LGALS9: variants seen among roughly 807,000 people sequenced by gnomAD.
LGALS9 encodes galectin-9.
In LGALS9, 26 loss-of-function variants were observed where a neutral mutation model predicts 35.9. The observed-to-expected ratio is 0.72, with a 90% CI of 0.53 to 1.01. LGALS9 has a LOEUF of 1.01. LGALS9 is among the 50% of genes least tolerant of loss of function. LGALS9 has a pLI of 0.00. For synonymous variants in LGALS9, 149 were observed against 172.2 expected (o/e 0.87, Z 1.06); for missense variants, 347 against 445.8 (o/e 0.78, Z 1.99).
rs376431140 is a variant in LGALS9, at chr17:27,645,482, C to T, written c.576+133C>T. 1.2e-4 allele frequency: 162 copies of T among 1,354,492 alleles called. 23 individuals carry two copies. Among genetic ancestry groups the T allele is most frequent in the Non-Finnish European group, 1.5e-4 (150 of 993,034 alleles). The allele number at this position is 1,354,492 out of a possible 1,614,324, so 83.9% of individuals were successfully genotyped here. On this transcript the variant is annotated intron_variant, in intron 6 of 10. Transcript: ENST00000395473. ...CAGACCAGACCCTTGACCATCTGCC[C>T]GGCCTGGTGAGGTTGGGGGTTGGAT...
intron 3 of LGALS9, 106 bp downstream of exon 3, chr17:27,640,879 C>CA: frequency 6.7e-7 from 1 of 1,496,416 alleles, no homozygotes; most frequent in East Asian, 2.3e-5. Flanking sequence ...AGAGTGACAC[C>CA]ACTATACAGA....
intron 6 of LGALS9, 160 bp downstream of exon 6, chr17:27,645,509 TG>T: frequency 8.3e-7 from 1 of 1,207,434 alleles, no homozygotes; most frequent in Non-Finnish European, 1.1e-6. Context: ...GGGTTGGATG[TG>T]GGGGTTGGAT....
At chr17:27,637,137 C>A (rs371233083) in intron 1 of LGALS9, among the ~76,000 whole-genome samples, 1,851 of 151,374 alleles carry the variant, frequency 0.012, 42 homozygotes, top group African/African-American at 0.042. Context: ...TGCTTTAATG[C>A]GGGTTATAGA....
intron 1 of LGALS9, among the ~76,000 whole-genome samples, 162 bp from the exon 2 acceptor site, chr17:27,638,101 C>A (rs1329806978): frequency 6.6e-6 from 1 of 151,906 alleles, no homozygotes; most frequent in Non-Finnish European, 1.5e-5. Context: ...CCACACAGGA[C>A]CCTAAGACCC....
chr17:27,645,128 T>C lies in LGALS9; in HGVS notation c.541-186T>C, dbSNP rs534710161. 1,386 of 1,177,786 alleles carry C rather than the reference T, an allele frequency of 1.2e-3. 10 individuals carry two copies. Among genetic ancestry groups the C allele is most frequent in the Non-Finnish European group, 4.7e-4 (385 of 818,036 alleles). The allele number at this position is 1,177,786 out of a possible 1,614,324, so 73.0% of individuals were successfully genotyped here. A position where few individuals can be genotyped will look rare whatever the true frequency, so the allele number is the denominator to read the frequency against. ...ACCCTACCCCCCAACCCCAAAGCCC[T>C]GTACACCTGGGGGTAAAAATCTGGG... On this transcript the variant is annotated intron_variant, in intron 5 of 10. Coordinates refer to ENST00000395473, the MANE Select transcript of LGALS9 (RefSeq NM_009587.3).
intron 5 of LGALS9, chr17:27,644,619 G>A (rs1475403141): frequency 1.3e-5 from 2 of 152,484 alleles, no homozygotes; most frequent in East Asian, 3.8e-4. Context: ...CTGGGAGGAG[G>A]GGCGCTTTGT....
chr17:27,642,709 G>A (rs1904612712), intron 4 of LGALS9, among the ~76,000 whole-genome samples: 1 of 152,022 alleles, frequency 6.6e-6, no homozygotes, highest in Non-Finnish European at 1.5e-5. Context: ...CATCATCTGT[G>A]GGATCTTAGA....
chr17:27,640,379 A>T, intron 2 of LGALS9, 193 bp from the exon 3 acceptor site: 1 of 855,570 alleles, frequency 1.2e-6, no homozygotes, highest in Non-Finnish European at 1.8e-6. Context: ...GTAAAGGCAA[A>T]ATCCAATAAT....
At chr17:27,645,062 C>T in intron 5 of LGALS9, 2 of 625,950 alleles carry the variant, frequency 3.2e-6, no homozygotes, top group Non-Finnish European at 5.6e-6. Context: ...AGGTCTCTAT[C>T]AAACCCAGTC....
intron 6 of LGALS9, chr17:27,645,614 C>T (rs1359625794): frequency 1.1e-4 from 67 of 603,810 alleles, no homozygotes; most frequent in Admixed American, 9.5e-5. Context: ...GGCTGAGAGA[C>T]GTTTCCCCGA....
chr17:27,646,894 A>G (rs1904989331), intron 8 of LGALS9, 136 bp from the exon 9 acceptor site: 27 of 1,346,226 alleles, frequency 2.0e-5, no homozygotes, highest in Non-Finnish European at 2.8e-5. Flanking sequence ...GGAGCACTGG[A>G]AAGTTTTCCT....
At position 27,640,659 on chromosome 17, in the gene LGALS9, G is replaced by A. The variant is rs775343355; in HGVS notation, c.219G>A (p.Val73=). 1.9e-6 allele frequency: 3 copies of A among 1,614,128 alleles called. No individual in the cohort carries two copies. Among genetic ancestry groups the A allele is most frequent in the Non-Finnish European group, 2.5e-6 (3 of 1,180,046 alleles). The change falls in exon 3 of 11, where the codon GTG becomes GTA. Residue 73 remains valine (V), a synonymous_variant. Transcript: ENST00000395473. The part of the protein sequence containing the change: ...NPRFEDGGYV[V]CNTRQNGSWG... ...GGTTTGAAGATGGAGGGTACGTGGTGTGCAACACGAGGCAGAACGGAAGCT... is the reference window on the plus strand; with the variant it reads ...GGTTTGAAGATGGAGGGTACGTGGTATGCAACACGAGGCAGAACGGAAGCT...
chr17:27,642,452 G>A (rs1348948295), intron 4 of LGALS9, 104 bp downstream of exon 4: 2 of 1,517,142 alleles, frequency 1.3e-6, no homozygotes, highest in Non-Finnish European at 1.8e-6. Flanking sequence ...TCCTACCCAG[G>A]TCACTCTGGG....
At chr17:27,646,152 G>A (rs1336644783) in intron 7 of LGALS9, among the ~76,000 whole-genome samples, 3 of 152,118 alleles carry the variant, frequency 2.0e-5, no homozygotes, top group Non-Finnish European at 4.4e-5. Flanking sequence ...GACCGGGAGG[G>A]AAACTGGTCC....
chr17:27,648,168 G>T (rs1598191454), intron 10 of LGALS9, among the ~76,000 whole-genome samples: 1 of 152,394 alleles, frequency 6.6e-6, no homozygotes, highest in East Asian at 1.9e-4. Context: ...AGTTGAAAAT[G>T]ACTGATGTAG....
chr17:27,647,266 C>T lies in LGALS9; in HGVS notation c.759-4C>T, dbSNP rs770435272. The T allele has an allele frequency of 3.1e-6, 5 of 1,613,708 alleles. No individual in the cohort carries two copies. The East Asian group carries it at 1.1e-4, about 36-fold the overall frequency. Reference sequence around the variant, plus strand: ...TAAAGGTTCAGGTGGGCTGCCCACCCCAGGTTCCACATCAACCTGTGCTCT... The same window carrying T: ...TAAAGGTTCAGGTGGGCTGCCCACCTCAGGTTCCACATCAACCTGTGCTCT... On this transcript the variant is annotated splice_region_variant and splice_polypyrimidine_tract_variant and intron_variant, in intron 9 of 10. Transcript: ENST00000395473.
intron 3 of LGALS9, 140 bp downstream of exon 3, chr17:27,640,913 G>A: frequency 1.5e-6 from 2 of 1,354,244 alleles, no homozygotes; most frequent in South Asian, 2.5e-5. Context: ...TCCTTGTGAG[G>A]TGTTACCCAT....
chr17:27,647,282 C>A lies in LGALS9; in HGVS notation c.771C>A (p.Asn257Lys). Residue 257 changes from asparagine to lysine, a missense_variant, in exon 10 of 11, where the codon AAC becomes AAA. Transcript: ENST00000395473. ...VLPSAQRFHI[N>K]LCSGNHIAFH... ...CTGCCCACCCCAGGTTCCACATCAA[C>A]CTGTGCTCTGGGAACCACATCGCCT... is the stretch of plus-strand genomic sequence containing the variant. 1 of 1,614,088 alleles carries A rather than the reference C, an allele frequency of 6.2e-7. No individual in the cohort carries two copies. The highest frequency in any genetic ancestry group is 2.2e-5 in the East Asian group (1 of 44,882).
At chr17:27,638,046 A>C (rs1337853927) in intron 1 of LGALS9, among the ~76,000 whole-genome samples, 42 of 152,086 alleles carry the variant, frequency 2.8e-4, no homozygotes, top group Non-Finnish European at 2.8e-4. Context: ...TCTCCTTATC[A>C]CAAGCTTAGA....
Sources: gnomAD v4.1 joint callset for allele counts (sites outside exome capture counted in the v4.1 genomes callset) on GRCh38, gnomAD v4.1.1 for gene constraint, MANE v1.5 for transcripts, NCBI Gene and HGNC (gene_info 2026-07-23, HGNC 2026-07-21) for gene names.